CSMD3: variants seen among roughly 807,000 people sequenced by gnomAD.
CSMD3 encodes CUB and sushi domain-containing protein 3.
In CSMD3, 177 loss-of-function variants were observed where a neutral mutation model predicts 435.2. The observed-to-expected ratio is 0.41, with a 90% CI of 0.36 to 0.46. CSMD3 has a LOEUF of 0.46. Ranked by LOEUF, CSMD3 falls within the 20% of genes least tolerant of loss-of-function variation. The pLI is 0.34. For synonymous variants in CSMD3, 1,656 were observed against 1,520.5 expected (o/e 1.09, Z -2.07); for missense variants, 4,265 against 4,504.6 (o/e 0.95, Z 1.52).
At chr8:112,837,566 TAAC>T (rs1269831256) in intron 11 of CSMD3, among the ~76,000 whole-genome samples, 31 of 151,810 alleles carry the variant, frequency 2.0e-4, no homozygotes, top group Non-Finnish European at 1.9e-4. Context: ...GATTATAAAA[TAAC>T]ACATAGGATG....
At chr8:112,750,517 T>C (rs998178682) in intron 13 of CSMD3, among the ~76,000 whole-genome samples, 2 of 151,968 alleles carry the variant, frequency 1.3e-5, no homozygotes, top group Non-Finnish European at 2.9e-5. Flanking sequence ...GAAGGGACCA[T>C]AGATGCTTTG....
At chr8:112,706,347 C>T (rs2076498610) in intron 13 of CSMD3, among the ~76,000 whole-genome samples, 1 of 151,564 alleles carries the variant, frequency 6.6e-6, no homozygotes, top group African/African-American at 2.4e-5. Flanking sequence ...CATACAAGTA[C>T]ATAAAAAGTC....
chr8:112,363,729 A>C (rs961576802), intron 38 of CSMD3, among the ~76,000 whole-genome samples: 1 of 152,052 alleles, frequency 6.6e-6, no homozygotes, highest in Non-Finnish European at 1.5e-5. Flanking sequence ...GATGGAAATA[A>C]AAGGAAGCAA....
At chr8:113,124,243 A>C (rs537397381) in intron 4 of CSMD3, among the ~76,000 whole-genome samples, 35 of 152,150 alleles carry the variant, frequency 2.3e-4, no homozygotes, top group African/African-American at 7.9e-4. Flanking sequence ...TGCATACTGC[A>C]AGGTCCTTCA....
At position 112,935,005 on chromosome 8, in the gene CSMD3, C is replaced by A. The variant is rs200430049; in HGVS notation, c.1508+12785G>T. On this transcript the variant is annotated intron_variant, in intron 9 of 70. Transcript: ENST00000297405. ...AGACCAATGTCAGGAAGCTTATTTTCTAGGTTGTTTATAGTAGTTACATAG... is the reference window on the plus strand; with the variant it reads ...AGACCAATGTCAGGAAGCTTATTTTATAGGTTGTTTATAGTAGTTACATAG... Among the ~76,000 whole-genome samples the A allele has an allele frequency of 3.3e-5, 5 of 152,032 alleles. No individual in the cohort carries two copies. The East Asian group carries it at 9.7e-4, about 30-fold the overall frequency.
intron 3 of CSMD3, among the ~76,000 whole-genome samples, chr8:113,259,658 A>G (rs1382742635): frequency 6.6e-6 from 1 of 152,152 alleles, no homozygotes. Context: ...AAGGAATTTA[A>G]AGAATAAAGA....
chr8:113,248,940 T>A (rs918655701), intron 3 of CSMD3, among the ~76,000 whole-genome samples: 4 of 151,998 alleles, frequency 2.6e-5, no homozygotes, highest in African/African-American at 7.2e-5. Context: ...TATGATATAT[T>A]AAGTCATTGG....
chr8:113,383,631 T>C (rs1406343181), intron 1 of CSMD3, among the ~76,000 whole-genome samples: 3 of 152,178 alleles, frequency 2.0e-5, no homozygotes, highest in African/African-American at 7.2e-5. Context: ...CTGCAGATCA[T>C]CCAGGTAGTA....
At chr8:113,103,989 A>G (rs973653914) in intron 4 of CSMD3, among the ~76,000 whole-genome samples, 3 of 152,120 alleles carry the variant, frequency 2.0e-5, no homozygotes, top group Non-Finnish European at 4.4e-5. Flanking sequence ...TTCATTGAAC[A>G]TAATATAAAT....
rs760521590 is a variant in CSMD3, at chr8:112,224,913, T to C, written c.10982A>G (p.Gln3661Arg). Residue 3661 changes from glutamine to arginine, a missense_variant, in exon 71 of 71, where the codon CAG (glutamine) becomes CGG (arginine). By Grantham distance (43) the Gln-to-Arg change is conservative. This residue lies in a region of CSMD3 where 3,255 missense variants were observed against 3,380.2 expected (regional missense o/e 0.96). Transcript: ENST00000297405. ...TTCATGAACTGAACATCCTGTATAC[T>C]GTGTTTTAGGTGCAGTCCTGTTGAT... Reference protein sequence around the residue: ...LYKQRTAPKTQYTGCSVHENN... With the variant: ...LYKQRTAPKTRYTGCSVHENN... The C allele has an allele frequency of 1.2e-6, 2 of 1,614,074 alleles. No individual in the cohort carries two copies. Among genetic ancestry groups the C allele is most frequent in the Admixed American group, 3.3e-5 (2 of 60,016 alleles).
intron 4 of CSMD3, among the ~76,000 whole-genome samples, chr8:113,104,227 T>TCGATTC (rs1276027968): frequency 1.3e-5 from 2 of 152,112 alleles, no homozygotes; most frequent in African/African-American, 4.8e-5. Context: ...GTACACTTGG[T>TCGATTC]CGATTCCAGA....
chr8:112,995,652 T>G (rs2085622723), intron 6 of CSMD3, among the ~76,000 whole-genome samples: 1 of 151,422 alleles, frequency 6.6e-6, no homozygotes, highest in African/African-American at 2.4e-5. Flanking sequence ...ATATTTTAGA[T>G]ATTTATTTAA....
chr8:112,858,714 A>G (rs1312042433), intron 11 of CSMD3, among the ~76,000 whole-genome samples: 2 of 151,880 alleles, frequency 1.3e-5, no homozygotes, highest in East Asian at 1.9e-4. Flanking sequence ...AGCACATTAA[A>G]CCAACTATTT....
At chr8:112,444,457 A>G (rs933253891) in intron 32 of CSMD3, among the ~76,000 whole-genome samples, 30 of 152,228 alleles carry the variant, frequency 2.0e-4, no homozygotes, top group African/African-American at 7.0e-4. Context: ...AAATAACTCA[A>G]ATGTCTATCA....
At chr8:113,361,597 T>C (rs2094277047) in intron 1 of CSMD3, among the ~76,000 whole-genome samples, 1 of 152,120 alleles carries the variant, frequency 6.6e-6, no homozygotes, top group South Asian at 2.1e-4. Context: ...ATCATTATTA[T>C]ATCATAAAAA....
intron 10 of CSMD3, among the ~76,000 whole-genome samples, chr8:112,915,526 C>A (rs1012639803): frequency 9.2e-5 from 14 of 151,700 alleles, no homozygotes. Flanking sequence ...ATAGCATTTT[C>A]AACAATGACA....
At chr8:112,984,071 G>C (rs2085157086) in intron 6 of CSMD3, among the ~76,000 whole-genome samples, 1 of 151,014 alleles carries the variant, frequency 6.6e-6, no homozygotes, top group African/African-American at 2.4e-5. Context: ...CATGTTGGAG[G>C]GGAAAAAAAA....
chr8:112,413,462 A>G (rs1418874958), intron 32 of CSMD3, among the ~76,000 whole-genome samples: 1 of 152,160 alleles, frequency 6.6e-6, no homozygotes, highest in Non-Finnish European at 1.5e-5. Flanking sequence ...ACTTCATCCA[A>G]TTTGCTTAAT....
chr8:112,673,901 T>C (rs1210197175), intron 16 of CSMD3, among the ~76,000 whole-genome samples: 5 of 152,232 alleles, frequency 3.3e-5, no homozygotes, highest in East Asian at 1.9e-4. Context: ...AAGCATTTTA[T>C]AGAACATTCT....
Sources: gnomAD v4.1 joint callset for allele counts (sites outside exome capture counted in the v4.1 genomes callset) on GRCh38, gnomAD v4.1.1 for gene constraint, gnomAD v4.1.1 regional missense constraint, MANE v1.5 for transcripts, NCBI Gene and HGNC (gene_info 2026-07-23, HGNC 2026-07-21) for gene names.